ERC2: variants seen among roughly 807,000 people sequenced by gnomAD.
ERC2 encodes ERC protein 2.
In ERC2, 42 loss-of-function variants were observed where a neutral mutation model predicts 114.8. The ratio of observed to expected loss-of-function variants is 0.37; its 90% CI spans 0.29 to 0.47. ERC2 has a LOEUF of 0.47. Ranked by LOEUF, ERC2 falls within the 20% of genes least tolerant of loss-of-function variation. The probability of loss-of-function intolerance (pLI) is 0.99; values close to 1 mark genes in which losing one functional copy is unlikely to be tolerated. For missense variants in ERC2, 939 were observed against 1,150.7 expected (o/e 0.82, Z 2.66); for synonymous variants, 454 against 425.5 (o/e 1.07, Z -0.82).
intron 3 of ERC2, among the ~76,000 whole-genome samples, chr3:56,174,453 G>A (rs1469196074): frequency 3.9e-5 from 6 of 152,136 alleles, no homozygotes; most frequent in Admixed American, 6.5e-5. Flanking sequence ...GGTGATTCAG[G>A]TCACCTATGG....
intron 6 of ERC2, among the ~76,000 whole-genome samples, chr3:56,137,879 C>T (rs2080604404): frequency 1.3e-5 from 2 of 152,172 alleles, no homozygotes. Context: ...TAAATAGCCA[C>T]ATGTGGCTAC....
chr3:56,343,400 T>A (rs866293936), intron 2 of ERC2, among the ~76,000 whole-genome samples: 2 of 152,038 alleles, frequency 1.3e-5, no homozygotes, highest in African/African-American at 4.8e-5. Flanking sequence ...GCACAATGGG[T>A]TATGCCTGTA....
intron 6 of ERC2, among the ~76,000 whole-genome samples, chr3:56,128,015 G>A (rs1357806040): frequency 1.3e-5 from 2 of 151,992 alleles, no homozygotes; most frequent in Admixed American, 1.3e-4. Context: ...GGCGGAGGTT[G>A]CAGTGAGCTG....
chr3:55,955,479 T>C (rs2067892218), intron 12 of ERC2, among the ~76,000 whole-genome samples: 2 of 152,224 alleles, frequency 1.3e-5, no homozygotes, highest in Admixed American at 6.5e-5. Flanking sequence ...TTTATATACA[T>C]GGAATCATAT....
intron 17 of ERC2, among the ~76,000 whole-genome samples, chr3:55,515,761 C>CA (rs1029492755): frequency 1.3e-4 from 20 of 151,976 alleles, no homozygotes; most frequent in African/African-American, 4.8e-4. Context: ...ACAGACGCCC[C>CA]AGGGAGAGCA....
intron 3 of ERC2, among the ~76,000 whole-genome samples, chr3:56,227,735 G>T (rs892190893): frequency 6.6e-6 from 1 of 152,174 alleles, no homozygotes. Flanking sequence ...CTGGGAAAAC[G>T]ATTTAGCAGT....
chr3:55,672,627 T>A (rs2061611002), intron 17 of ERC2, among the ~76,000 whole-genome samples: 1 of 152,170 alleles, frequency 6.6e-6, no homozygotes, highest in Non-Finnish European at 1.5e-5. Flanking sequence ...GGGTGCTATG[T>A]GAGTGAGACA....
rs1047298013 is a variant in ERC2, at chr3:56,212,345, T to C, written c.1075-38825A>G. ...GGTATACAAATGGCCAACAAATACATGAAAAAAATTCTCAATATCACTAAT... is the reference window on the plus strand; with the variant it reads ...GGTATACAAATGGCCAACAAATACACGAAAAAAATTCTCAATATCACTAAT... On this transcript the variant is annotated intron_variant, in intron 3 of 17. Transcript: ENST00000288221. Among the ~76,000 whole-genome samples, 4 of 152,154 alleles carry C rather than the reference T, an allele frequency of 2.6e-5. No homozygotes were observed. The East Asian group carries it at 7.7e-4, about 29-fold the overall frequency.
intron 2 of ERC2, among the ~76,000 whole-genome samples, chr3:56,297,994 C>T (rs1254743627): frequency 6.6e-6 from 1 of 152,168 alleles, no homozygotes; most frequent in African/African-American, 2.4e-5. Context: ...CTGTATACCA[C>T]AGTGCCTCTC....
At chr3:55,704,268 A>G (rs1170846435) in intron 15 of ERC2, among the ~76,000 whole-genome samples, 1 of 152,244 alleles carries the variant, frequency 6.6e-6, no homozygotes, top group Non-Finnish European at 1.5e-5. Flanking sequence ...TGATAAACAC[A>G]TTGAATTAAA....
chr3:55,668,715 C>G (rs550804610), intron 17 of ERC2, among the ~76,000 whole-genome samples: 1 of 152,330 alleles, frequency 6.6e-6, no homozygotes, highest in South Asian at 2.1e-4. Context: ...TAATCTATAT[C>G]TATACAGAAT....
chr3:55,972,080 A>G (rs1343213645), intron 12 of ERC2, among the ~76,000 whole-genome samples: 1 of 152,026 alleles, frequency 6.6e-6, no homozygotes, highest in Non-Finnish European at 1.5e-5. Context: ...CATTCCATCC[A>G]TCCTTCCATC....
At chr3:56,347,155 C>T (rs572523953) in intron 2 of ERC2, among the ~76,000 whole-genome samples, 1 of 152,286 alleles carries the variant, frequency 6.6e-6, no homozygotes, top group South Asian at 2.1e-4. Context: ...GAACCAAACT[C>T]TGCTAAATTA....
At chr3:55,540,514 A>G (rs1326725482) in intron 17 of ERC2, among the ~76,000 whole-genome samples, 1 of 152,156 alleles carries the variant, frequency 6.6e-6, no homozygotes, top group Non-Finnish European at 1.5e-5. Context: ...CATTTGGGAG[A>G]AGAAAATCCA....
At chr3:55,688,391 G>T (rs1180215425) in intron 16 of ERC2, among the ~76,000 whole-genome samples, 4 of 152,060 alleles carry the variant, frequency 2.6e-5, no homozygotes, top group African/African-American at 9.7e-5. Flanking sequence ...CTCACCAAAG[G>T]ACACCTGGCC....
At chr3:56,391,237 G>A (rs944943957) in intron 2 of ERC2, among the ~76,000 whole-genome samples, 1 of 152,124 alleles carries the variant, frequency 6.6e-6, no homozygotes, top group Non-Finnish European at 1.5e-5. Context: ...GAAGGAGGAG[G>A]CTGAATTTCC....
chr3:55,546,480 A>G (rs1318240377), intron 17 of ERC2, among the ~76,000 whole-genome samples: 1 of 152,124 alleles, frequency 6.6e-6, no homozygotes, highest in East Asian at 1.9e-4. Flanking sequence ...TGTTTATCAT[A>G]TTCACTGTCC....
At chr3:56,277,166 G>A (rs1474460478) in intron 3 of ERC2, among the ~76,000 whole-genome samples, 3 of 152,114 alleles carry the variant, frequency 2.0e-5, no homozygotes, top group Admixed American at 6.5e-5. Context: ...GAGTTCTCTC[G>A]CCCTTGATGG....
At chr3:56,317,804 T>C (rs1328113247) in intron 2 of ERC2, among the ~76,000 whole-genome samples, 1 of 152,144 alleles carries the variant, frequency 6.6e-6, no homozygotes, top group Non-Finnish European at 1.5e-5. Flanking sequence ...AAATAAAATA[T>C]TAACGTGGCA....
Sources: allele counts gnomAD v4.1 joint callset (sites outside exome capture counted in the v4.1 genomes callset), GRCh38; gene constraint gnomAD v4.1.1; transcripts MANE v1.5; gene names NCBI Gene and HGNC (gene_info 2026-07-23, HGNC 2026-07-21).